Variants in DLG2 observed in about 807,000 individuals in gnomAD.
DLG2 encodes discs large MAGUK scaffold protein 2, also known as disks large homolog 2.
In DLG2, 45 loss-of-function variants were observed where a neutral mutation model predicts 132.5. The observed-to-expected ratio is 0.34, with a 90% confidence interval of 0.27 to 0.44. The LOEUF (loss-of-function observed/expected upper bound fraction) is 0.44, where lower values mean the gene tolerates loss of function less well. Ranked by LOEUF, DLG2 falls within the 20% of genes least tolerant of loss-of-function variation. The pLI, the probability that DLG2 is intolerant of heterozygous loss-of-function variation, is 1.00. For missense variants in DLG2, 1,045 were observed against 1,196.9 expected, an observed-to-expected ratio of 0.87 and a Z score of 1.87; for synonymous variants, 424 against 419.6, an observed-to-expected ratio of 1.01 and a Z score of -0.13.
At chr11:85,464,188 T>C (rs1209622479) in intron 3 of DLG2, among the ~76,000 whole-genome samples, 1 of 152,200 alleles carries the variant, frequency 6.6e-6, no homozygotes, top group Non-Finnish European at 1.5e-5. Context: ...TACTTATACA[T>C]GTTCTTCTAA....
chr11:83,469,508 G>T, intron 24 of DLG2, 135 bp from the exon 25 acceptor site: 2 of 642,188 alleles, frequency 3.1e-6, no homozygotes, highest in Non-Finnish European at 5.1e-6. Context: ...ATAGTAACAG[G>T]TACTAGTCTT....
chr11:84,545,232 G>T, intron 6 of DLG2: 3 of 472,142 alleles, frequency 6.4e-6, no homozygotes, highest in South Asian at 4.9e-5. Flanking sequence ...CACCAGAGGG[G>T]CTGGAGCTTC....
intron 16 of DLG2, among the ~76,000 whole-genome samples, chr11:83,859,591 T>A (rs892405550): frequency 6.6e-6 from 1 of 152,168 alleles, no homozygotes. Flanking sequence ...GCATTCAGTT[T>A]TAAAAGGCAG....
At chr11:85,130,599 A>G (rs1222110618) in intron 5 of DLG2, among the ~76,000 whole-genome samples, 1 of 152,240 alleles carries the variant, frequency 6.6e-6, no homozygotes, top group Non-Finnish European at 1.5e-5. Context: ...TAACAGTTCC[A>G]GTCTCACATA....
chr11:84,875,044 A>C (rs951170512), intron 6 of DLG2, among the ~76,000 whole-genome samples: 2 of 151,698 alleles, frequency 1.3e-5, no homozygotes, highest in African/African-American at 4.8e-5. Context: ...AAAAAGAGAA[A>C]GATTTAGGAG....
At chr11:84,925,675 T>C (rs2092951252) in intron 6 of DLG2, among the ~76,000 whole-genome samples, 1 of 152,192 alleles carries the variant, frequency 6.6e-6, no homozygotes, top group South Asian at 2.1e-4. Context: ...CCTATGCATA[T>C]TTTTGTAGGC....
chr11:85,434,671 G>A (rs2091380759), intron 3 of DLG2, among the ~76,000 whole-genome samples: 1 of 152,100 alleles, frequency 6.6e-6, no homozygotes, highest in African/African-American at 2.4e-5. Context: ...CTGAAATCAA[G>A]GCAGTAATAA....
intron 11 of DLG2, among the ~76,000 whole-genome samples, chr11:84,042,722 T>C (rs2096123767): frequency 6.6e-6 from 1 of 151,920 alleles, no homozygotes; most frequent in Non-Finnish European, 1.5e-5. Context: ...AATGAGATCA[T>C]GTCCTTTAGA....
chr11:84,658,409 G>T (rs1300055461), intron 6 of DLG2, among the ~76,000 whole-genome samples: 1 of 152,100 alleles, frequency 6.6e-6, no homozygotes. Flanking sequence ...TTTGAGCAGT[G>T]ATTAGGTCAT....
intron 18 of DLG2, among the ~76,000 whole-genome samples, chr11:83,713,113 A>G (rs1355122458): frequency 6.6e-6 from 1 of 152,196 alleles, no homozygotes; most frequent in African/African-American, 2.4e-5. Flanking sequence ...CAGTGCTTTC[A>G]CATGTTTTCC....
chr11:85,262,007 G>C (rs1277197918), intron 4 of DLG2, among the ~76,000 whole-genome samples: 1 of 152,174 alleles, frequency 6.6e-6, no homozygotes, highest in East Asian at 1.9e-4. Context: ...AATGTCAGGA[G>C]AGTCACTGAG....
chr11:83,640,312 C>T (rs1402525115), intron 18 of DLG2, among the ~76,000 whole-genome samples: 1 of 152,130 alleles, frequency 6.6e-6, no homozygotes, highest in Non-Finnish European at 1.5e-5. Flanking sequence ...AGGACAACTT[C>T]CAATATGGCT....
chr11:84,385,240 G>C (rs558651564), intron 7 of DLG2, among the ~76,000 whole-genome samples: 1 of 151,842 alleles, frequency 6.6e-6, no homozygotes, highest in South Asian at 2.1e-4. Flanking sequence ...TCTTTAAAGA[G>C]TTTTAAAAAA....
chr11:84,636,988 A>G (rs1417801584), intron 6 of DLG2, among the ~76,000 whole-genome samples: 1 of 151,488 alleles, frequency 6.6e-6, no homozygotes, highest in Non-Finnish European at 1.5e-5. Context: ...GGTCTTCGCC[A>G]TGTTGGCCAG....
At chr11:83,875,449 C>T (rs1448408933) in intron 15 of DLG2, among the ~76,000 whole-genome samples, 4 of 152,040 alleles carry the variant, frequency 2.6e-5, no homozygotes, top group African/African-American at 9.7e-5. Context: ...CTTCCTGTGC[C>T]TGAAATGGCA....
chr11:84,833,756 A>G (rs576838039), intron 6 of DLG2, among the ~76,000 whole-genome samples: 8 of 151,800 alleles, frequency 5.3e-5, no homozygotes, highest in Admixed American at 2.0e-4. Flanking sequence ...AACACCTGTT[A>G]GCTCATGCAT....
chr11:83,611,324 G>T (rs2060085470), intron 19 of DLG2, among the ~76,000 whole-genome samples: 1 of 152,136 alleles, frequency 6.6e-6, no homozygotes, highest in African/African-American at 2.4e-5. Context: ...GAGGCAATAT[G>T]ACAGAATTCA....
At chr11:84,853,292 T>A (rs1026351818) in intron 6 of DLG2, among the ~76,000 whole-genome samples, 12 of 151,920 alleles carry the variant, frequency 7.9e-5, no homozygotes, top group African/African-American at 2.9e-4. Flanking sequence ...CCAGTGAACA[T>A]CAGGGTCTTT....
intron 4 of DLG2, among the ~76,000 whole-genome samples, chr11:85,164,100 G>T (rs960660859): frequency 2.6e-5 from 4 of 152,070 alleles, no homozygotes; most frequent in Non-Finnish European, 4.4e-5. Flanking sequence ...AGTGAATAAA[G>T]GTTGCCTTGT....
Sources: gnomAD v4.1 joint callset for allele counts (sites outside exome capture counted in the v4.1 genomes callset) on GRCh38, gnomAD v4.1.1 for gene constraint, MANE v1.5 for transcripts, NCBI Gene and HGNC (gene_info 2026-07-23, HGNC 2026-07-21) for gene names.